NELL1: variants seen among roughly 807,000 people sequenced by gnomAD.
The protein encoded by NELL1 is protein kinase C-binding protein NELL1.
Under a neutral mutation model 107.4 loss-of-function variants are expected in NELL1, and 76 were observed. The ratio of observed to expected loss-of-function variants is 0.71; its 90% CI spans 0.59 to 0.86. The LOEUF (loss-of-function observed/expected upper bound fraction) is 0.86, where lower values mean the gene tolerates loss of function less well. Ranked by LOEUF, NELL1 falls within the 40% of genes least tolerant of loss-of-function variation. The pLI is 0.00. For missense variants in NELL1, 1,024 were observed against 1,005.5 expected, an observed-to-expected ratio of 1.02 and a Z score of -0.25; for synonymous variants, 353 against 341.2, an observed-to-expected ratio of 1.03 and a Z score of -0.38.
chr11:21,403,686 G>A (rs995152044), intron 15 of NELL1, among the ~76,000 whole-genome samples: 3 of 151,566 alleles, frequency 2.0e-5, no homozygotes, highest in African/African-American at 7.3e-5. Flanking sequence ...AATTCTGTAT[G>A]AACAACAGGA....
chr11:21,211,986 T>A, intron 13 of NELL1, among the ~76,000 whole-genome samples: 1 of 152,020 alleles, frequency 6.6e-6, no homozygotes, highest in Non-Finnish European at 1.5e-5. Context: ...CCACCACACC[T>A]GGCTAATTTT....
intron 2 of NELL1, among the ~76,000 whole-genome samples, chr11:20,705,489 C>T (rs1216347531): frequency 2.7e-5 from 4 of 150,360 alleles, no homozygotes; most frequent in Non-Finnish European, 5.9e-5. Context: ...TGGATCCCTT[C>T]CTTACACCTT....
intron 13 of NELL1, among the ~76,000 whole-genome samples, chr11:21,132,537 AGCAGCTGCTG>A (rs770247176): frequency 1.1e-4 from 16 of 152,160 alleles, no homozygotes; most frequent in Non-Finnish European, 1.8e-4. Context: ...TGGTGGGGCA[AGCAGCTGCTG>A]GCACAGGTGC....
At chr11:20,799,415 G>C (rs1274128609) in intron 3 of NELL1, among the ~76,000 whole-genome samples, 1 of 152,186 alleles carries the variant, frequency 6.6e-6, no homozygotes, top group Non-Finnish European at 1.5e-5. Context: ...TGCAAAGGAA[G>C]TCTACCCATC....
intron 15 of NELL1, among the ~76,000 whole-genome samples, chr11:21,528,839 C>T (rs534880693): frequency 2.0e-5 from 3 of 152,150 alleles, no homozygotes; most frequent in African/African-American, 7.2e-5. Context: ...TATCTTGACT[C>T]TTGACTTTTA....
At chr11:21,170,673 A>C (rs956939738) in intron 13 of NELL1, among the ~76,000 whole-genome samples, 1 of 142,864 alleles carries the variant, frequency 7.0e-6, no homozygotes, top group Non-Finnish European at 1.5e-5. Context: ...ATACTGTATT[A>C]TATATATACT....
intron 14 of NELL1, among the ~76,000 whole-genome samples, chr11:21,358,138 G>A (rs916475038): frequency 5.3e-5 from 8 of 151,978 alleles, no homozygotes; most frequent in African/African-American, 7.3e-5. Flanking sequence ...GGTCTTTTTC[G>A]GTTCTATATG....
At chr11:21,304,628 G>A (rs1372140371) in intron 14 of NELL1, among the ~76,000 whole-genome samples, 1 of 151,536 alleles carries the variant, frequency 6.6e-6, no homozygotes, top group Non-Finnish European at 1.5e-5. Flanking sequence ...CATTTCTATG[G>A]TAATTTAGAG....
intron 12 of NELL1, among the ~76,000 whole-genome samples, chr11:21,030,622 A>ATTTTTTTTTTTTTTTTTTTTTCTTGTT (rs201033870): frequency 8.3e-6 from 1 of 120,124 alleles, no homozygotes; most frequent in Non-Finnish European, 1.8e-5. Context: ...ATTTTCTTGT[A>ATTTTTTTTTTTTTTTTTTTTTCTTGTT]TTTTTTTTTT....
chr11:21,317,027 T>G (rs1297540487), intron 14 of NELL1, among the ~76,000 whole-genome samples: 2 of 152,150 alleles, frequency 1.3e-5, no homozygotes, highest in African/African-American at 4.8e-5. Flanking sequence ...AGTTAATATA[T>G]TTCATCTAAT....
At chr11:21,251,745 T>A (rs1858643555) in intron 14 of NELL1, among the ~76,000 whole-genome samples, 1 of 151,908 alleles carries the variant, frequency 6.6e-6, no homozygotes, top group African/African-American at 2.4e-5. Flanking sequence ...ACTTTGGCAA[T>A]GACATGAGGA....
At chr11:21,390,542 C>T (rs1451478286) in intron 15 of NELL1, among the ~76,000 whole-genome samples, 11 of 150,776 alleles carry the variant, frequency 7.3e-5, no homozygotes, top group South Asian at 2.1e-4. Context: ...CACACACGTG[C>T]GCACGCACCC....
intron 12 of NELL1, among the ~76,000 whole-genome samples, chr11:21,083,775 T>C (rs953005697): frequency 6.6e-6 from 1 of 152,224 alleles, no homozygotes; most frequent in African/African-American, 2.4e-5. Context: ...ACTTGGGTCT[T>C]ATTACTGTCC....
At chr11:21,522,233 C>CAA (rs34810194) in intron 15 of NELL1, among the ~76,000 whole-genome samples, 2,320 of 128,366 alleles carry the variant, frequency 0.018, 43 homozygotes, top group East Asian at 0.088. Flanking sequence ...GACTCCGTCT[C>CAA]AAAAAAAAAA....
At chr11:21,558,723 T>C (rs896255946) in intron 16 of NELL1, among the ~76,000 whole-genome samples, 7 of 152,006 alleles carry the variant, frequency 4.6e-5, no homozygotes, top group African/African-American at 1.7e-4. Context: ...AAAGAATATA[T>C]AACTGTTACG....
chr11:21,352,402 T>C (rs1850837713), intron 14 of NELL1, among the ~76,000 whole-genome samples: 1 of 152,162 alleles, frequency 6.6e-6, no homozygotes, highest in Admixed American at 6.6e-5. Flanking sequence ...TTTTGATTGA[T>C]AGTTTTTGAA....
chr11:21,348,108 C>CAGAAAAAAT (rs377760103), intron 14 of NELL1, among the ~76,000 whole-genome samples: 1 of 66,756 alleles, frequency 1.5e-5, no homozygotes, highest in Non-Finnish European at 4.1e-5. Context: ...CAATGTCTTC[C>CAGAAAAAAT]AGAATAATTT....
chr11:21,501,197 C>T (rs1855132159), intron 15 of NELL1, among the ~76,000 whole-genome samples: 1 of 152,128 alleles, frequency 6.6e-6, no homozygotes, highest in African/African-American at 2.4e-5. Flanking sequence ...AATTTTATTA[C>T]TGCTAAAGAT....
intron 2 of NELL1, among the ~76,000 whole-genome samples, chr11:20,697,621 A>G (rs1275118304): frequency 6.6e-6 from 1 of 152,144 alleles, no homozygotes; most frequent in African/African-American, 2.4e-5. Context: ...TGAATAAGGT[A>G]AAGATCTCAG....
Sources: gnomAD v4.1 joint callset for allele counts (sites outside exome capture counted in the v4.1 genomes callset) on GRCh38, gnomAD v4.1.1 for gene constraint, MANE v1.5 for transcripts, NCBI Gene and HGNC (gene_info 2026-07-23, HGNC 2026-07-21) for gene names.